ZNF827: variants seen among roughly 807,000 people sequenced by gnomAD.
ZNF827 encodes the protein zinc finger protein 827.
ZNF827 carries 13 observed loss-of-function variants against 102.4 expected under a neutral mutation model. That is an observed-to-expected ratio of 0.13 (90% CI 0.08 to 0.20). The LOEUF (loss-of-function observed/expected upper bound fraction) is 0.20, where lower values mean the gene tolerates loss of function less well. Ranked by LOEUF, ZNF827 falls within the 10% of genes least tolerant of loss-of-function variation. ZNF827 has a pLI of 1.00. For missense variants in ZNF827, 1,103 were observed against 1,344.4 expected (o/e 0.82, Z 2.81); for synonymous variants, 523 against 536.2 (o/e 0.98, Z 0.34).
chr4:145,781,030 A>C (rs200312924), intron 8 of ZNF827, among the ~76,000 whole-genome samples: 2 of 151,990 alleles, frequency 1.3e-5, no homozygotes, highest in Non-Finnish European at 2.9e-5. Flanking sequence ...CACTGTCTCC[A>C]CTAAAAATAC....
At chr4:145,895,593 C>G (rs879728038) in intron 2 of ZNF827, among the ~76,000 whole-genome samples, 1 of 152,140 alleles carries the variant, frequency 6.6e-6, no homozygotes, top group Non-Finnish European at 1.5e-5. Flanking sequence ...ATGACAGAAA[C>G]CAAATGATAA....
At chr4:145,844,914 T>C (rs1028314665) in intron 7 of ZNF827, among the ~76,000 whole-genome samples, 1 of 152,176 alleles carries the variant, frequency 6.6e-6, no homozygotes, top group East Asian at 1.9e-4. Context: ...AAATATCTTG[T>C]ACCTTTTGTT....
chr4:145,893,340 G>C (rs923798186), intron 2 of ZNF827, among the ~76,000 whole-genome samples: 20 of 152,174 alleles, frequency 1.3e-4, no homozygotes, highest in Non-Finnish European at 2.8e-4. Flanking sequence ...AAAAGAAGCA[G>C]AATCAAGAAC....
chr4:145,764,640 T>C, intron 13 of ZNF827: 1 of 265,460 alleles, frequency 3.8e-6, no homozygotes, highest in South Asian at 4.9e-5. Context: ...CACAGTATGA[T>C]TTATGCTTGG....
chr4:145,902,634 C>T lies in ZNF827; in HGVS notation c.625G>A (p.Asp209Asn). 6.2e-7 allele frequency: 1 copy of T among 1,614,050 alleles called. No individual in the cohort carries two copies. The change falls in exon 2 of 15, where the codon GAT (aspartate) becomes AAT (asparagine). Residue 209 changes from aspartate to asparagine, a missense_variant. Transcript: ENST00000508784. This position sits in a 1 kb window ranked among gnomAD's most constrained non-coding sequence, Gnocchi z 4.3. ...GCTTTCAGTTTTAGGATGGCTGAAT[C>T]CGGAGACAAGCTGCAGGTGGTGGTT... The part of the protein sequence containing the change: ...NSTTTCSLSP[D>N]SAILKLKAAA...
chr4:145,885,636 GA>G (rs2126821558), intron 4 of ZNF827, 41 bp downstream of exon 4: 1 of 1,505,732 alleles, frequency 6.6e-7, no homozygotes, highest in Non-Finnish European at 8.9e-7. Flanking sequence ...GAGAGAGAGA[GA>G]GAGAGAGAGA....
In ZNF827 at chr4:145,864,420, C is replaced by CAAA. The variant is rs34745619; in HGVS notation, c.1981+5822_1981+5824dup. 7.5e-3 allele frequency among the ~76,000 whole-genome samples: 452 copies of CAAA among 59,916 alleles called. 9 individuals carry two copies. Among genetic ancestry groups the CAAA allele is most frequent in the Non-Finnish European group, 8.4e-3 (282 of 33,596 alleles). The allele number at this position is 59,916 out of a possible 152,430, so 39.3% of individuals were successfully genotyped here. On this transcript the variant is annotated intron_variant, in intron 5 of 14. Transcript: ENST00000508784. ...GGCAACATAGCAGACCTTGTCTCTA[C>CAAA]AAAAAAAAAAAAAAAAAAAAAAAAT...
In ZNF827 at chr4:145,760,720, G is replaced by GTTTTTTTTTTTTTTTTTTTTT. The variant is rs10715391; in HGVS notation, c.*895_*896insAAAAAAAAAAAAAAAAAAAAA. The stretch of plus-strand genomic sequence containing the variant: ...GCTGGGGTTGTGTTTAAGTTTTGTG[G>GTTTTTTTTTTTTTTTTTTTTT]TTTTTTTTTTTTTTTTTGTCTTTTG... On this transcript the variant is annotated 3_prime_UTR_variant, in exon 15 of 15. Coordinates refer to ENST00000508784, the MANE Select transcript of ZNF827 (RefSeq NM_001306215.2). 1 of 672,792 alleles carries GTTTTTTTTTTTTTTTTTTTTT rather than the reference G, an allele frequency of 1.5e-6. No homozygotes were observed. Among genetic ancestry groups the GTTTTTTTTTTTTTTTTTTTTT allele is most frequent in the Non-Finnish European group, 1.8e-6 (1 of 545,698 alleles). 41.7% of individuals were successfully genotyped at this position (672,792 alleles called of 1,614,324 possible). A position where few individuals can be genotyped will look rare whatever the true frequency, so the allele number is the denominator to read the frequency against.
At chr4:145,924,070 T>G (rs1433690409) in intron 1 of ZNF827, among the ~76,000 whole-genome samples, 1 of 152,174 alleles carries the variant, frequency 6.6e-6, no homozygotes, top group Non-Finnish European at 1.5e-5. Context: ...GCAGTGAAAA[T>G]GAATGTGCCA....
At chr4:145,845,383 T>A (rs1228366141) in intron 7 of ZNF827, among the ~76,000 whole-genome samples, 2 of 152,190 alleles carry the variant, frequency 1.3e-5, no homozygotes, top group Non-Finnish European at 2.9e-5. Context: ...GTGAAAAAAC[T>A]TCCTTGTCCA....
intron 8 of ZNF827, among the ~76,000 whole-genome samples, chr4:145,814,601 C>T (rs1185160660): frequency 3.7e-5 from 5 of 134,554 alleles, no homozygotes; most frequent in South Asian, 2.6e-4. Flanking sequence ...CCTGGTCTCA[C>T]CTCCTAACAA....
chr4:145,855,407 T>C (rs962701098), intron 5 of ZNF827, among the ~76,000 whole-genome samples: 10 of 152,208 alleles, frequency 6.6e-5, no homozygotes, highest in African/African-American at 2.4e-4. Context: ...TGAAATTTGA[T>C]TCCTGCAGGT....
chr4:145,773,119 G>C (rs1436578922), intron 11 of ZNF827, among the ~76,000 whole-genome samples: 2 of 152,192 alleles, frequency 1.3e-5, no homozygotes, highest in Admixed American at 6.5e-5. Flanking sequence ...AGAAAAAAAA[G>C]ACTATCTGAA....
chr4:145,880,282 A>C (rs1749554941), intron 4 of ZNF827, among the ~76,000 whole-genome samples: 1 of 152,232 alleles, frequency 6.6e-6, no homozygotes, highest in African/African-American at 2.4e-5. Context: ...TAACCTGGGC[A>C]AGACTCCTAA....
chr4:145,937,712 G>A (rs1403449646), intron 1 of ZNF827, among the ~76,000 whole-genome samples: 3 of 82,072 alleles, frequency 3.7e-5, no homozygotes, highest in Non-Finnish European at 7.2e-5. Flanking sequence ...CTCCGCCGCC[G>A]CCTCCTCCAC....
chr4:145,761,204 T>C lies in ZNF827; in HGVS notation c.*412A>G. 7.8e-7 allele frequency: 1 copy of C among 1,289,798 alleles called. No individual in the cohort carries two copies. Among genetic ancestry groups the C allele is most frequent in the Non-Finnish European group, 1.0e-6 (1 of 988,856 alleles). 79.9% of individuals were successfully genotyped at this position (1,289,798 alleles called of 1,614,324 possible). A position where few individuals can be genotyped will look rare whatever the true frequency, so the allele number is the denominator to read the frequency against. On this transcript the variant is annotated 3_prime_UTR_variant, in exon 15 of 15. Transcript: ENST00000508784. The surrounding 1 kb of genome is among the most constrained non-coding windows in gnomAD (Gnocchi z 6.8). ...TCGGGGCAGTCCCCACTCTGGTGCT[T>C]CTTGACGTGGCGGCTGAAGACGAAA...
chr4:145,803,772 A>G (rs1038993338), intron 8 of ZNF827, among the ~76,000 whole-genome samples: 2 of 152,200 alleles, frequency 1.3e-5, no homozygotes, highest in African/African-American at 4.8e-5. Context: ...CCAAAGGCCA[A>G]TCTCCAACTT....
rs1751470328 is a variant in ZNF827, at chr4:145,902,205, G to A, written c.1054C>T (p.Pro352Ser). The change falls in exon 2 of 15, where the codon CCA becomes TCA. Residue 352 changes from proline to serine, a missense_variant. Physicochemically the swap from Pro to Ser is moderately conservative, Grantham distance 74. Coordinates refer to ENST00000508784, the MANE Select transcript of ZNF827 (RefSeq NM_001306215.2). This position sits in a 1 kb window ranked among gnomAD's most constrained non-coding sequence, Gnocchi z 4.3. ...PPQSLELLLL[P>S]VPKGRVSKPS... ...TTAGAAACTCTTCCCTTAGGAACTG[G>A]GAGTAATAATAATTCCAGGGATTGT... 1 of 1,607,354 alleles carries A rather than the reference G, an allele frequency of 6.2e-7. No homozygotes were observed. The highest frequency in any genetic ancestry group is 8.5e-7 in the Non-Finnish European group (1 of 1,177,450).
intron 8 of ZNF827, among the ~76,000 whole-genome samples, chr4:145,815,471 C>G (rs550036303): frequency 4.7e-4 from 72 of 152,226 alleles, no homozygotes; most frequent in African/African-American, 1.6e-3. Context: ...GTGGGAGTGT[C>G]TTCTTTACCA....
Sources: allele counts gnomAD v4.1 joint callset (sites outside exome capture counted in the v4.1 genomes callset), GRCh38; gene constraint gnomAD v4.1.1; non-coding constraint Gnocchi (gnomAD v3.1); transcripts MANE v1.5; gene names NCBI Gene and HGNC (gene_info 2026-07-23, HGNC 2026-07-21).